Variants in RPP30 observed in about 807,000 individuals in gnomAD.
The protein encoded by RPP30 is ribonuclease P/MRP subunit p30.
RPP30 carries 36 observed loss-of-function variants against 38.6 expected under a neutral mutation model. That is an observed-to-expected ratio of 0.93 (90% confidence interval 0.71 to 1.23). The LOEUF (loss-of-function observed/expected upper bound fraction) is 1.23. Ranked by LOEUF, RPP30 falls within the 50% of genes most tolerant of loss-of-function variation. RPP30 has a pLI of 0.00. For missense variants in RPP30, 321 were observed against 321.7 expected (o/e 1.00, Z 0.02); for synonymous variants, 126 against 112.7 (o/e 1.12, Z -0.75).
At position 90,896,343 on chromosome 10, in the gene RPP30, C is replaced by T. The variant is rs764741484; in HGVS notation, c.648C>T (p.Asp216=). 8 of 1,613,996 alleles carry T rather than the reference C, an allele frequency of 5.0e-6. No individual in the cohort carries two copies. The highest frequency in any genetic ancestry group is 4.0e-5 in the African/African-American group (3 of 74,940). ...TGCTGTTTGGGCTCTCTGAAAGTGA[C>T]GCCAAGGCTGCGGTGTCCACCAACT... ...LGLLFGLSES[D]AKAAVSTNCR... is the part of the protein sequence containing the mutation. The change falls in exon 10 of 11, where the codon GAC becomes GAT. Residue 216 remains aspartate (D), a synonymous_variant. Transcript: ENST00000371703.
chr10:90,900,128 A>C (rs1017274775), intron 10 of RPP30, among the ~76,000 whole-genome samples: 2 of 152,328 alleles, frequency 1.3e-5, no homozygotes, highest in Admixed American at 1.3e-4. Context: ...GATTCTTCAG[A>C]GGTACCTTGA....
chr10:90,907,866 G>A (rs1393937926), downstream of RPP30, among the ~76,000 whole-genome samples: 2 of 152,102 alleles, frequency 1.3e-5, no homozygotes, highest in African/African-American at 4.8e-5. Flanking sequence ...CTCACTTAAC[G>A]ACAGGGATAC....
Position 90,901,272 on chromosome 10 carries a change from C to T in RPP30, c.*593C>T, listed in dbSNP as rs1847198770. On this transcript the variant is annotated 3_prime_UTR_variant, in exon 11 of 11. Coordinates refer to ENST00000371703, the MANE Select transcript of RPP30 (RefSeq NM_006413.5). The stretch of plus-strand genomic sequence containing the variant: ...AAAGTGCTGGGATTACATGAGCCAC[C>T]ACATGCAGCCAGATGTTTGAATATT... 1 of 984,606 alleles carries T rather than the reference C, an allele frequency of 1.0e-6. No individual in the cohort carries two copies. The highest frequency in any genetic ancestry group is 1.2e-6 in the Non-Finnish European group (1 of 829,326). 61.0% of individuals were successfully genotyped at this position (984,606 alleles called of 1,614,324 possible). A position where few individuals can be genotyped will look rare whatever the true frequency, so the allele number is the denominator to read the frequency against.
At chr10:90,883,413 T>C (rs1459372235) in intron 5 of RPP30, among the ~76,000 whole-genome samples, 1 of 152,200 alleles carries the variant, frequency 6.6e-6, no homozygotes, top group Non-Finnish European at 1.5e-5. Flanking sequence ...TTTAATCTTC[T>C]AAAATGATAT....
At chr10:90,880,268 G>A (rs1485542569) in intron 5 of RPP30, 1 of 151,156 alleles carries the variant, frequency 6.6e-6, no homozygotes, top group African/African-American at 2.4e-5. Flanking sequence ...TTTCCTAGAT[G>A]TATCCAGTAG....
Position 90,885,833 on chromosome 10 carries a change from G to A in RPP30, c.364G>A (p.Val122Met), listed in dbSNP as rs1163563364. 5.6e-6 allele frequency: 9 copies of A among 1,609,900 alleles called. No individual in the cohort carries two copies. The highest frequency in any genetic ancestry group is 7.6e-6 in the Non-Finnish European group (9 of 1,178,586). The change falls in exon 6 of 11, where the codon GTG (valine) becomes ATG (methionine). Residue 122 changes from valine to methionine, a missense_variant. Physicochemically the swap from Val to Met is conservative, Grantham distance 21 (BLOSUM62 1). Transcript: ENST00000371703. ...LFHIACTHLDVDLVCITVTEK... is the reference protein window; with the variant it reads ...LFHIACTHLDMDLVCITVTEK... ...ACAGATTGCTTGCACACATTTAGAT[G>A]TGGATTTAGTCTGCATAACTGTAAC...
chr10:90,896,010 C>A, intron 9 of RPP30, 93 bp downstream of exon 9: 1 of 951,814 alleles, frequency 1.1e-6, no homozygotes, highest in Non-Finnish European at 1.6e-6. Context: ...TTTTTCTCAA[C>A]CTTTTACTGT....
chr10:90,892,361 A>C lies in RPP30; in HGVS notation c.433-2414A>C, dbSNP rs187574100. Reference sequence around the variant, plus strand: ...GAAAGAAATATTCACAACCTTCAATAGCACATTATTTTTAATTTTTCTTTT... The same window carrying C: ...GAAAGAAATATTCACAACCTTCAATCGCACATTATTTTTAATTTTTCTTTT... On this transcript the variant is annotated intron_variant, in intron 6 of 10. Coordinates refer to ENST00000371703, the MANE Select transcript of RPP30 (RefSeq NM_006413.5). Among the ~76,000 whole-genome samples the C allele has an allele frequency of 3.5e-3, 527 of 152,348 alleles. 3 individuals are homozygous for C. The highest frequency in any genetic ancestry group is 0.012 in the African/African-American group (501 of 41,578).
In RPP30 at chr10:90,872,085, T is replaced by G; in HGVS notation, c.82+17T>G. Reference sequence around the variant, plus strand: ...CCGCTCACCGTGAGTTGCCCCGGCTTCGCGCCTGGCCAACCTCATGCCACC... The same window carrying G: ...CCGCTCACCGTGAGTTGCCCCGGCTGCGCGCCTGGCCAACCTCATGCCACC... On this transcript the variant is annotated intron_variant, in intron 1 of 10. Transcript: ENST00000371703. 1 of 1,611,188 alleles carries G rather than the reference T, an allele frequency of 6.2e-7. No homozygotes were observed. The highest frequency in any genetic ancestry group is 8.5e-7 in the Non-Finnish European group (1 of 1,177,340).
chr10:90,885,073 C>A (rs1846980472), intron 5 of RPP30, among the ~76,000 whole-genome samples: 1 of 152,094 alleles, frequency 6.6e-6, no homozygotes, highest in South Asian at 2.1e-4. Flanking sequence ...TTCCATTTAT[C>A]CTGATTTTCT....
At chr10:90,907,922 C>CA (rs1223940837), downstream of RPP30, among the ~76,000 whole-genome samples, 8 of 152,306 alleles carry the variant, frequency 5.3e-5, no homozygotes, top group Admixed American at 1.3e-4. Flanking sequence ...GTGAACATCA[C>CA]AGAGTGTTAC....
chr10:90,904,736 C>T (rs1231310587), downstream of RPP30, among the ~76,000 whole-genome samples: 1 of 152,084 alleles, frequency 6.6e-6, no homozygotes, highest in African/African-American at 2.4e-5. Context: ...TGCTTGAACC[C>T]GGGAGGTAGA....
intron 4 of RPP30, among the ~76,000 whole-genome samples, chr10:90,876,452 T>C (rs781396491): frequency 1.3e-5 from 2 of 152,110 alleles, no homozygotes; most frequent in Non-Finnish European, 2.9e-5. Context: ...ACTGAACAAA[T>C]AATAATTACA....
chr10:90,890,996 A>G (rs1018487632), intron 6 of RPP30, among the ~76,000 whole-genome samples: 1 of 152,246 alleles, frequency 6.6e-6, no homozygotes, highest in Non-Finnish European at 1.5e-5. Context: ...GTAAGGCTGC[A>G]GGAAAGCAGA....
exon 5 of RPP30, chr10:90,908,541 T>C (rs1364207639): frequency 6.6e-6 from 1 of 152,174 alleles, no homozygotes; most frequent in Non-Finnish European, 1.5e-5. Context: ...TATTAAAAAC[T>C]TTTTCATTAT....
At chr10:90,876,279 C>T (rs1846851356) in intron 4 of RPP30, among the ~76,000 whole-genome samples, 181 bp downstream of exon 4, 1 of 152,182 alleles carries the variant, frequency 6.6e-6, no homozygotes. Flanking sequence ...TCCACTTACT[C>T]ATGGCACATG....
At chr10:90,875,740 G>C in intron 3 of RPP30, 126 bp downstream of exon 3, 1 of 792,360 alleles carries the variant, frequency 1.3e-6, no homozygotes, top group Non-Finnish European at 2.1e-6. Context: ...TTTTCCTCAA[G>C]GCTCAGCTCT....
chr10:90,895,459 A>T lies in RPP30; in HGVS notation c.555A>T (p.Val185=), dbSNP rs1847129116. Residue 185 remains valine (V), a synonymous_variant, in exon 8 of 11, where the codon GTA becomes GTT. Transcript: ENST00000371703. ...AGTCACTTTCTATTTTGTAGAATGTAATTATATCTAGTGCTGCAGAAAGGG... is the reference window on the plus strand; with the variant it reads ...AGTCACTTTCTATTTTGTAGAATGTTATTATATCTAGTGCTGCAGAAAGGG... ...NLMQICKGKN[V]IISSAAERPL... is the part of the protein sequence containing the mutation. 1.4e-6 allele frequency: 2 copies of T among 1,419,946 alleles called. No individual in the cohort carries two copies. The highest frequency in any genetic ancestry group is 1.9e-6 in the Non-Finnish European group (2 of 1,068,536). 88.0% of individuals were successfully genotyped at this position (1,419,946 alleles called of 1,614,324 possible). A position where few individuals can be genotyped will look rare whatever the true frequency, so the allele number is the denominator to read the frequency against.
intron 6 of RPP30, among the ~76,000 whole-genome samples, chr10:90,888,716 C>G (rs747026974): frequency 6.6e-6 from 1 of 152,114 alleles, no homozygotes; most frequent in Admixed American, 6.5e-5. Flanking sequence ...GACACCCCAC[C>G]CCCTGATTCC....
Sources: gnomAD v4.1 joint callset for allele counts (sites outside exome capture counted in the v4.1 genomes callset) on GRCh38, gnomAD v4.1.1 for gene constraint, MANE v1.5 for transcripts, NCBI Gene and HGNC (gene_info 2026-07-23, HGNC 2026-07-21) for gene names.